GRM7: variants seen among roughly 807,000 people sequenced by gnomAD.
The protein encoded by GRM7 is metabotropic glutamate receptor 7.
In GRM7, 35 loss-of-function variants were observed where a neutral mutation model predicts 84.5. The ratio of observed to expected loss-of-function variants is 0.41; its 90% CI spans 0.32 to 0.55. The LOEUF is 0.55. Ranked by LOEUF, GRM7 falls within the 20% of genes least tolerant of loss-of-function variation. The pLI, the probability that GRM7 is intolerant of heterozygous loss-of-function variation, is 0.19. For synonymous variants in GRM7, 487 were observed against 455.1 expected, an observed-to-expected ratio of 1.07 and a Z score of -0.89; for missense variants, 1,003 against 1,194.6, an observed-to-expected ratio of 0.84 and a Z score of 2.36.
intron 8 of GRM7, among the ~76,000 whole-genome samples, chr3:7,588,560 C>T (rs1695626484): frequency 6.6e-6 from 1 of 152,202 alleles, no homozygotes; most frequent in Non-Finnish European, 1.5e-5. Context: ...ATTTTCCCAT[C>T]TAAGTCTCAT....
chr3:7,300,668 G>A (rs925968787), intron 3 of GRM7, among the ~76,000 whole-genome samples: 1 of 151,844 alleles, frequency 6.6e-6, no homozygotes, highest in Non-Finnish European at 1.5e-5. Flanking sequence ...CCCCTCCCTG[G>A]CCCATGTTTC....
At chr3:7,276,359 T>C (rs1245196192) in intron 2 of GRM7, among the ~76,000 whole-genome samples, 1 of 151,792 alleles carries the variant, frequency 6.6e-6, no homozygotes, top group Non-Finnish European at 1.5e-5. Context: ...TCTAGTTAAT[T>C]GCAAAAGGCT....
At chr3:6,961,121 C>A (rs542499389) in intron 1 of GRM7, among the ~76,000 whole-genome samples, 3 of 152,182 alleles carry the variant, frequency 2.0e-5, no homozygotes, top group East Asian at 1.9e-4. Flanking sequence ...TCTCTTCCAC[C>A]TGATTTCAGC....
At chr3:6,910,516 C>T (rs545916957) in intron 1 of GRM7, among the ~76,000 whole-genome samples, 13 of 152,084 alleles carry the variant, frequency 8.5e-5, no homozygotes, top group Non-Finnish European at 1.3e-4. Context: ...AAGTGGAGGA[C>T]ATATAGCCTT....
intron 7 of GRM7, among the ~76,000 whole-genome samples, chr3:7,471,765 C>T (rs955169926): frequency 2.0e-5 from 3 of 152,180 alleles, no homozygotes; most frequent in Non-Finnish European, 4.4e-5. Flanking sequence ...AGACATCTTT[C>T]TGGGGAGTTG....
intron 1 of GRM7, among the ~76,000 whole-genome samples, chr3:7,007,561 A>T (rs2124887854): frequency 6.6e-6 from 1 of 152,294 alleles, no homozygotes; most frequent in South Asian, 2.1e-4. Flanking sequence ...CCATTCCCAG[A>T]CACCGCACCA....
intron 2 of GRM7, among the ~76,000 whole-genome samples, chr3:7,202,717 G>T (rs1403501556): frequency 6.6e-6 from 1 of 152,116 alleles, no homozygotes; most frequent in Non-Finnish European, 1.5e-5. Flanking sequence ...CTTTATTGAA[G>T]ATATAATCAT....
At chr3:7,604,555 C>T (rs1041503775) in intron 8 of GRM7, among the ~76,000 whole-genome samples, 6 of 152,100 alleles carry the variant, frequency 3.9e-5, no homozygotes, top group Non-Finnish European at 7.4e-5. Context: ...GCTCAGACCC[C>T]GTAAAGCCAG....
intron 8 of GRM7, among the ~76,000 whole-genome samples, chr3:7,602,534 C>A (rs1696364082): frequency 1.3e-5 from 2 of 152,148 alleles, no homozygotes; most frequent in Non-Finnish European, 1.5e-5. Flanking sequence ...ACAGAGGAAA[C>A]AATCCACATC....
chr3:7,388,358 G>A (rs997733261), intron 4 of GRM7, among the ~76,000 whole-genome samples: 1 of 151,964 alleles, frequency 6.6e-6, no homozygotes, highest in Non-Finnish European at 1.5e-5. Context: ...ATTTTGTTAA[G>A]GATTTTTGGG....
intron 1 of GRM7, among the ~76,000 whole-genome samples, chr3:6,994,038 G>T (rs950046863): frequency 5.9e-5 from 9 of 152,268 alleles, no homozygotes; most frequent in African/African-American, 2.2e-4. Flanking sequence ...TGATTTATTA[G>T]TGGAAATTTG....
At chr3:7,186,261 G>T (rs1274991804) in intron 2 of GRM7, among the ~76,000 whole-genome samples, 1 of 152,156 alleles carries the variant, frequency 6.6e-6, no homozygotes, top group Non-Finnish European at 1.5e-5. Context: ...TTGTAACCCT[G>T]TATCAACATA....
chr3:7,064,563 ATATATAT>A (rs763734050), intron 1 of GRM7, among the ~76,000 whole-genome samples: 32,669 of 133,428 alleles, frequency 0.24, 4,969 homozygotes, highest in African/African-American at 0.4. Context: ...ATATATATAT[ATATATAT>A]CACAGTTTCT....
At chr3:6,921,750 C>A (rs1245547015) in intron 1 of GRM7, among the ~76,000 whole-genome samples, 1 of 152,032 alleles carries the variant, frequency 6.6e-6, no homozygotes, top group Non-Finnish European at 1.5e-5. Context: ...CCAGGAAAGA[C>A]CAAATTATTA....
intron 1 of GRM7, among the ~76,000 whole-genome samples, chr3:7,096,593 A>T (rs542697823): frequency 2.0e-5 from 3 of 151,978 alleles, no homozygotes. Flanking sequence ...CAGAGTTTTT[A>T]TGGGGGTTTT....
chr3:7,578,443 A>G lies in GRM7; in HGVS notation c.1537A>G (p.Lys513Glu). Residue 513 changes from lysine to glutamate, a missense_variant, in exon 8 of 10, where the codon AAA (lysine) becomes GAA (glutamate). By Grantham distance (56) the Lys-to-Glu change is moderately conservative. This residue lies in a region of GRM7 where 910 missense variants were observed against 1,126.0 expected (regional missense o/e 0.81). Coordinates refer to ENST00000357716, the MANE Select transcript of GRM7 (RefSeq NM_000844.4). The part of the protein sequence containing the change: ...QLNIEDMQWG[K>E]GVREIPASVC... ...ACAGATAGAAGACATGCAGTGGGGT[A>G]AAGGAGTCCGAGAGATACCCGCCTC... 1 of 1,611,046 alleles carries G rather than the reference A, an allele frequency of 6.2e-7. No individual in the cohort carries two copies. The highest frequency in any genetic ancestry group is 8.5e-7 in the Non-Finnish European group (1 of 1,177,600).
intron 2 of GRM7, among the ~76,000 whole-genome samples, chr3:7,209,257 T>C (rs1457546448): frequency 1.3e-5 from 2 of 152,178 alleles, no homozygotes; most frequent in Non-Finnish European, 2.9e-5. Context: ...TCATCATAAA[T>C]TTGTCACATC....
At chr3:7,075,996 A>C (rs1476759918) in intron 1 of GRM7, among the ~76,000 whole-genome samples, 1 of 151,886 alleles carries the variant, frequency 6.6e-6, no homozygotes, top group Non-Finnish European at 1.5e-5. Flanking sequence ...AAGTTATCTC[A>C]TCTAGGTTTT....
chr3:7,738,767 T>C (rs530120164), intron 9 of GRM7, among the ~76,000 whole-genome samples: 57 of 151,458 alleles, frequency 3.8e-4, no homozygotes, highest in Middle Eastern at 6.8e-3. Context: ...GGATAATTAG[T>C]GTGTTGATAT....
Sources: gnomAD v4.1 joint callset for allele counts (sites outside exome capture counted in the v4.1 genomes callset) on GRCh38, gnomAD v4.1.1 for gene constraint, gnomAD v4.1.1 regional missense constraint, MANE v1.5 for transcripts, NCBI Gene and HGNC (gene_info 2026-07-23, HGNC 2026-07-21) for gene names.